The following PARD6G variants were observed in gnomAD, a reference collection of about 807,000 sequenced individuals.
PARD6G encodes par-6 family cell polarity regulator gamma, also known as partitioning defective 6 homolog gamma.
In PARD6G, 7 loss-of-function variants were observed where a neutral mutation model predicts 10.7. The observed-to-expected ratio is 0.66, with a 90% CI of 0.37 to 1.23. PARD6G has a LOEUF of 1.23. Among genes scored for constraint, PARD6G ranks in the 50% most tolerant of loss-of-function variants. PARD6G has a pLI of 0.02. For missense variants in PARD6G, 548 were observed against 571.8 expected (o/e 0.96, Z 0.42); for synonymous variants, 287 against 269.4 (o/e 1.07, Z -0.64).
chr18:80,173,174 G>A (rs982603166), intron 2 of PARD6G, among the ~76,000 whole-genome samples: 3 of 152,154 alleles, frequency 2.0e-5, no homozygotes, highest in African/African-American at 7.2e-5. Flanking sequence ...GTACCACCAT[G>A]TTCAGCCACT....
chr18:80,164,387 C>T (rs1413297901), intron 2 of PARD6G, among the ~76,000 whole-genome samples: 3 of 152,190 alleles, frequency 2.0e-5, no homozygotes, highest in Non-Finnish European at 4.4e-5. Flanking sequence ...CTGTGAGGGG[C>T]GTTGCCTCTG....
At position 80,182,434 on chromosome 18, in the gene PARD6G, G is replaced by A. The variant is rs946153405; in HGVS notation, c.295+20276C>T. Among the ~76,000 whole-genome samples, 27 of 152,220 alleles carry A rather than the reference G, an allele frequency of 1.8e-4. No individual in the cohort carries two copies. The highest frequency in any genetic ancestry group is 5.5e-4 in the African/African-American group (23 of 41,452). ...GATGCTGGAACTACACTTAAAGAGC[G>A]ACCAGCTTTTACAGATACAAAAATA... is the stretch of plus-strand genomic sequence containing the variant. On this transcript the variant is annotated intron_variant, in intron 2 of 2. Transcript: ENST00000353265. The surrounding 1 kb of genome is among the most constrained non-coding windows in gnomAD (Gnocchi z 4.5).
At chr18:80,210,863 T>TTA (rs1227566361) in intron 1 of PARD6G, among the ~76,000 whole-genome samples, 1 of 152,154 alleles carries the variant, frequency 6.6e-6, no homozygotes, top group Non-Finnish European at 1.5e-5. Context: ...AAGCAGCTGC[T>TTA]TATGTGATAT....
rs1599882615 is a variant in PARD6G at position 80,247,041 on chromosome 18, C to T, written c.72+236G>A. Among the ~76,000 whole-genome samples, 1 of 152,104 alleles carries T rather than the reference C, an allele frequency of 6.6e-6. No individual in the cohort carries two copies. Among genetic ancestry groups the T allele is most frequent in the South Asian group, 2.1e-4 (1 of 4,832 alleles). On this transcript the variant is annotated intron_variant, in intron 1 of 2. Coordinates refer to ENST00000353265, the MANE Select transcript of PARD6G (RefSeq NM_032510.4). This position sits in a 1 kb window ranked among gnomAD's most constrained non-coding sequence, Gnocchi z 4.2. ...GGGTCCAGAGTCTGCCCGGACTGTC[C>T]GATGGCCCTCGGCCCTCTGAGCGCC...
At chr18:80,193,981 G>A (rs1316428492) in intron 2 of PARD6G, among the ~76,000 whole-genome samples, 3 of 152,196 alleles carry the variant, frequency 2.0e-5, no homozygotes, top group Non-Finnish European at 2.9e-5. Context: ...CCAACAGGAG[G>A]GGATGGAAAG....
chr18:80,216,040 G>A (rs1418997151), intron 1 of PARD6G, among the ~76,000 whole-genome samples: 11 of 151,848 alleles, frequency 7.2e-5, no homozygotes, highest in Non-Finnish European at 2.9e-5. Context: ...ATAATAAAAG[G>A]GTAAATCTAT....
intron 2 of PARD6G, among the ~76,000 whole-genome samples, chr18:80,179,973 A>G (rs1262414519): frequency 6.6e-6 from 1 of 152,232 alleles, no homozygotes; most frequent in Non-Finnish European, 1.5e-5. Context: ...AGCTGCCAAG[A>G]GCTGTGCCGT....
intron 2 of PARD6G, among the ~76,000 whole-genome samples, chr18:80,187,406 G>A (rs1432367268): frequency 6.6e-6 from 1 of 152,220 alleles, no homozygotes; most frequent in Admixed American, 6.5e-5. Flanking sequence ...GCGTGTGTGT[G>A]AGAAGGATTC....
intron 1 of PARD6G, among the ~76,000 whole-genome samples, chr18:80,244,042 G>A (rs577430284): frequency 1.3e-5 from 2 of 152,256 alleles, no homozygotes; most frequent in Admixed American, 6.5e-5. Context: ...TAGTGGCACC[G>A]TGTTGCTTGC....
In PARD6G at chr18:80,231,091, A is replaced by G. The variant is rs973483910; in HGVS notation, c.72+16186T>C. Among the ~76,000 whole-genome samples the G allele has an allele frequency of 6.6e-6, 1 of 152,240 alleles. No homozygotes were observed. Among genetic ancestry groups the G allele is most frequent in the Non-Finnish European group, 1.5e-5 (1 of 68,034 alleles). ...TGCCCTTTGTGAGAAGGAACACCCC[A>G]GGTGGGAGGGGATGCCCCTCATGGA... On this transcript the variant is annotated intron_variant, in intron 1 of 2. Coordinates refer to ENST00000353265, the MANE Select transcript of PARD6G (RefSeq NM_032510.4). The surrounding 1 kb of genome is among the most constrained non-coding windows in gnomAD (Gnocchi z 4.2).
intron 2 of PARD6G, among the ~76,000 whole-genome samples, chr18:80,199,496 G>A (rs981355642): frequency 3.9e-5 from 6 of 152,144 alleles, no homozygotes; most frequent in African/African-American, 7.2e-5. Flanking sequence ...ATGAACATTC[G>A]TGTACTTTTT....
At chr18:80,219,510 G>A (rs189213327) in intron 1 of PARD6G, among the ~76,000 whole-genome samples, 43 of 151,608 alleles carry the variant, frequency 2.8e-4, no homozygotes, top group Middle Eastern at 3.4e-3. Context: ...GCGCCCAGCC[G>A]GGGTTTCTTT....
At chr18:80,163,112 T>C (rs953905720) in intron 2 of PARD6G, among the ~76,000 whole-genome samples, 11 of 152,146 alleles carry the variant, frequency 7.2e-5, no homozygotes, top group African/African-American at 2.7e-4. Context: ...GACAAATCTA[T>C]GCACTTTCAA....
rs1325075929 is a variant in PARD6G, at chr18:80,157,410, T to C, written c.*2361A>G. 1 of 152,286 alleles carries C rather than the reference T, an allele frequency of 6.6e-6. No individual in the cohort carries two copies. Among genetic ancestry groups the C allele is most frequent in the Non-Finnish European group, 1.5e-5 (1 of 68,014 alleles). 9.4% of individuals were successfully genotyped at this position (152,286 alleles called of 1,614,324 possible). On this transcript the variant is annotated 3_prime_UTR_variant, in exon 3 of 3. Transcript: ENST00000353265. ...AAGCAGTAATTCCTAAAATTATGAA[T>C]AGCACACAAATCTCAGTGAAAGCCT... is the stretch of plus-strand genomic sequence containing the variant.
At chr18:80,209,595 G>T (rs1362506146) in intron 1 of PARD6G, among the ~76,000 whole-genome samples, 2 of 152,184 alleles carry the variant, frequency 1.3e-5, no homozygotes, top group Non-Finnish European at 2.9e-5. Context: ...TGGATCGTTT[G>T]ACTCTAGGAG....
intron 1 of PARD6G, among the ~76,000 whole-genome samples, chr18:80,219,182 G>A (rs1967203139): frequency 6.7e-6 from 1 of 150,238 alleles, no homozygotes. Context: ...CAGTAGGCTT[G>A]AATTTCTCCC....
intron 1 of PARD6G, among the ~76,000 whole-genome samples, chr18:80,224,052 C>T (rs979824211): frequency 2.6e-5 from 4 of 152,166 alleles, no homozygotes; most frequent in Non-Finnish European, 5.9e-5. Context: ...CCCTCACATG[C>T]CTGTCTCCAC....
chr18:80,225,660 T>C (rs1490719421), intron 1 of PARD6G, among the ~76,000 whole-genome samples: 1 of 152,242 alleles, frequency 6.6e-6, no homozygotes, highest in African/African-American at 2.4e-5. Flanking sequence ...AAAATACTCT[T>C]GCTGTTTTTT....
At chr18:80,225,817 A>G (rs948435911) in intron 1 of PARD6G, among the ~76,000 whole-genome samples, 3 of 152,020 alleles carry the variant, frequency 2.0e-5, no homozygotes, top group East Asian at 1.9e-4. Flanking sequence ...TACAAAGAGG[A>G]AAGTCCAGGT....
Sources: allele counts gnomAD v4.1 joint callset (sites outside exome capture counted in the v4.1 genomes callset), GRCh38; gene constraint gnomAD v4.1.1; non-coding constraint Gnocchi (gnomAD v3.1); transcripts MANE v1.5; gene names NCBI Gene and HGNC (gene_info 2026-07-23, HGNC 2026-07-21).